TAF15: variants seen among roughly 807,000 people sequenced by gnomAD.
The protein encoded by TAF15 is TATA-box binding protein associated factor 15.
Under a neutral mutation model 102.5 loss-of-function variants are expected in TAF15, and 37 were observed. The ratio of observed to expected loss-of-function variants is 0.36; its 90% confidence interval spans 0.28 to 0.47. The LOEUF (loss-of-function observed/expected upper bound fraction) is 0.47. Among genes scored for constraint, TAF15 ranks in the 20% least tolerant of loss-of-function variants. The pLI, the probability that TAF15 is intolerant of heterozygous loss-of-function variation, is 0.99. For missense variants in TAF15, 652 were observed against 760.7 expected (o/e 0.86, Z 1.68); for synonymous variants, 273 against 259.2 (o/e 1.05, Z -0.51).
chr17:35,845,360 C>T (rs2087611558), intron 15 of TAF15, among the ~76,000 whole-genome samples: 1 of 152,100 alleles, frequency 6.6e-6, no homozygotes, highest in African/African-American at 2.4e-5. Context: ...ACTCAGGCAA[C>T]ACTCCTGCCT....
rs920294688 is a variant in TAF15, at chr17:35,817,634, A to G, written c.8-82A>G. Reference sequence around the variant, plus strand: ...GCAGTTCTTTACATTTTCTTACCACATTTCTTCTGTATGAGCTAAAGTCAG... The same window carrying G: ...GCAGTTCTTTACATTTTCTTACCACGTTTCTTCTGTATGAGCTAAAGTCAG... On this transcript the variant is annotated intron_variant, in intron 1 of 15. Transcript: ENST00000605844. The G allele has an allele frequency of 3.2e-6, 4 of 1,250,752 alleles. No homozygotes were observed. The South Asian group carries it at 3.8e-5, about 12-fold the overall frequency. 77.5% of individuals were successfully genotyped at this position (1,250,752 alleles called of 1,614,324 possible). A position where few individuals can be genotyped will look rare whatever the true frequency, so the allele number is the denominator to read the frequency against.
chr17:35,846,524 T>C (rs577655719), intron 15 of TAF15, among the ~76,000 whole-genome samples: 1 of 152,340 alleles, frequency 6.6e-6, no homozygotes, highest in South Asian at 2.1e-4. Context: ...TCATTTAGTG[T>C]AACTTTTCCA....
At chr17:35,833,174 G>C (rs11652192) in intron 7 of TAF15, among the ~76,000 whole-genome samples, 15,777 of 151,420 alleles carry the variant, frequency 0.1, 939 homozygotes, top group East Asian at 0.22. Context: ...AAAAAAAGTT[G>C]TCCTGTTTGG....
chr17:35,822,830 C>A lies in TAF15; in HGVS notation c.481C>A (p.Gln161Lys). 9 of 1,614,036 alleles carry A rather than the reference C, an allele frequency of 5.6e-6. No homozygotes were observed. The highest frequency in any genetic ancestry group is 6.8e-6 in the Non-Finnish European group (8 of 1,179,910). Residue 161 changes from glutamine (Q) to lysine (K), a missense_variant, in exon 6 of 16, where the codon CAA (glutamine) becomes AAA (lysine). By Grantham distance (53) the Gln-to-Lys change is moderately conservative (BLOSUM62 1). This residue lies in a region of TAF15 where 243 missense variants were observed against 284.1 expected (regional missense o/e 0.86). Coordinates refer to ENST00000605844, the MANE Select transcript of TAF15 (RefSeq NM_139215.3). ...SQRENYSHHTQDDRRDVSRYG... is the reference protein window; with the variant it reads ...SQRENYSHHTKDDRRDVSRYG... ...AAGGGAAAACTACAGCCACCACACA[C>A]AAGGTAAGATTTACTGACCTCTATT...
chr17:35,811,450 CTT>C (rs948538202), intron 1 of TAF15: 14 of 152,062 alleles, frequency 9.2e-5, no homozygotes, highest in African/African-American at 1.7e-4. Context: ...AAGCTAGACT[CTT>C]TATATTCTTA....
chr17:35,812,196 A>G (rs1002102408), intron 1 of TAF15, among the ~76,000 whole-genome samples: 28 of 152,332 alleles, frequency 1.8e-4, no homozygotes, highest in Admixed American at 1.8e-3. Context: ...TAGTACCAAC[A>G]TAAGAGATGA....
intron 1 of TAF15, among the ~76,000 whole-genome samples, chr17:35,812,813 C>G (rs2087141753): frequency 6.6e-6 from 1 of 151,658 alleles, no homozygotes; most frequent in African/African-American, 2.4e-5. Context: ...TAAAATAAAC[C>G]TAAAGGAAGG....
chr17:35,820,328 T>G lies in TAF15; in HGVS notation c.185-4T>G. The G allele has an allele frequency of 6.2e-7, 1 of 1,613,964 alleles. No individual in the cohort carries two copies. Among genetic ancestry groups the G allele is most frequent in the Non-Finnish European group, 8.5e-7 (1 of 1,179,858 alleles). ...ACTAAATGATATACTCATCTAATCT[T>G]TAGGTTATTCACAGTCCTATGGTGG... On this transcript the variant is annotated splice_polypyrimidine_tract_variant and splice_region_variant and intron_variant, in intron 4 of 15. Coordinates refer to ENST00000605844, the MANE Select transcript of TAF15 (RefSeq NM_139215.3).
chr17:35,842,523 T>C, intron 12 of TAF15, 64 bp downstream of exon 12: 1 of 1,284,744 alleles, frequency 7.8e-7, no homozygotes, highest in Non-Finnish European at 1.1e-6. Flanking sequence ...GTTCATACTC[T>C]GTTTCTATTT....
intron 7 of TAF15, among the ~76,000 whole-genome samples, chr17:35,831,744 A>G (rs189755890): frequency 6.6e-6 from 1 of 152,256 alleles, no homozygotes; most frequent in Admixed American, 6.5e-5. Context: ...CTACTGGCAT[A>G]AGAACGTGGG....
At chr17:35,812,997 G>A (rs1029199429) in intron 1 of TAF15, among the ~76,000 whole-genome samples, 1 of 151,524 alleles carries the variant, frequency 6.6e-6, no homozygotes, top group African/African-American at 2.4e-5. Context: ...TGAGGTGGCG[G>A]GAACCTGTAA....
chr17:35,822,923 CT>C, intron 6 of TAF15, 90 bp downstream of exon 6: 17 of 1,509,828 alleles, frequency 1.1e-5, no homozygotes, highest in Non-Finnish European at 1.5e-5. Flanking sequence ...AGGATTTCAC[CT>C]GTTTGTAAAA....
chr17:35,834,139 C>T (rs1352358075), intron 8 of TAF15, 198 bp downstream of exon 8: 1 of 367,854 alleles, frequency 2.7e-6, no homozygotes, highest in Non-Finnish European at 4.7e-6. Flanking sequence ...CAAAGTTGAT[C>T]TCAAAACAGT....
intron 7 of TAF15, among the ~76,000 whole-genome samples, chr17:35,825,109 C>G (rs1336728540): frequency 6.6e-6 from 1 of 152,186 alleles, no homozygotes; most frequent in Non-Finnish European, 1.5e-5. Context: ...ACCTTAGGGA[C>G]CATCTGTCCC....
intron 6 of TAF15, 129 bp from the exon 7 acceptor site, chr17:35,823,949 C>A: frequency 9.0e-7 from 1 of 1,114,604 alleles, no homozygotes; most frequent in Non-Finnish European, 1.4e-6. Context: ...TGATGACTTG[C>A]ATTTGAGTTG....
At chr17:35,834,413 A>T in intron 8 of TAF15, 153 bp from the exon 9 acceptor site, 2 of 688,390 alleles carry the variant, frequency 2.9e-6, no homozygotes, top group Non-Finnish European at 4.9e-6. Flanking sequence ...AATAAAACAT[A>T]ATTTATATAT....
Position 35,822,712 on chromosome 17 carries a change from C to CTA in TAF15, c.365_366dup (p.Asp123MetfsTer46). 1 of 1,614,154 alleles carries CTA rather than the reference C, an allele frequency of 6.2e-7. No individual in the cohort carries two copies. Among genetic ancestry groups the CTA allele is most frequent in the Non-Finnish European group, 8.5e-7 (1 of 1,180,024 alleles). ...AAGATTCATATGACCAGCAGTCAGGCTATGATCAACATCAAGGCTCATATG... is the reference window on the plus strand; with the variant it reads ...AAGATTCATATGACCAGCAGTCAGGCTATATGATCAACATCAAGGCTCATATG... On this transcript the variant is annotated frameshift_variant, in exon 6 of 16. Coordinates refer to ENST00000605844, the MANE Select transcript of TAF15 (RefSeq NM_139215.3). LOFTEE classifies it high-confidence loss of function.
At chr17:35,836,356 T>A (rs1036153695) in intron 10 of TAF15, 115 bp downstream of exon 10, 3 of 735,798 alleles carry the variant, frequency 4.1e-6, no homozygotes, top group Non-Finnish European at 6.9e-6. Context: ...AATTTTGTGA[T>A]GCACATGCTC....
chr17:35,822,306 A>G (rs1284388658), intron 5 of TAF15, among the ~76,000 whole-genome samples: 2 of 149,526 alleles, frequency 1.3e-5, no homozygotes, highest in East Asian at 3.9e-4. Flanking sequence ...GCGCCATTGC[A>G]CTCCAGCAGC....
Sources: gnomAD v4.1 joint callset for allele counts (sites outside exome capture counted in the v4.1 genomes callset) on GRCh38, gnomAD v4.1.1 for gene constraint, gnomAD v4.1.1 regional missense constraint, MANE v1.5 for transcripts, NCBI Gene and HGNC (gene_info 2026-07-23, HGNC 2026-07-21) for gene names.